The following SUGCT variants were observed in gnomAD, a reference collection of about 807,000 sequenced individuals.
SUGCT encodes succinyl-CoA:glutarate-CoA transferase, also known as succinyl-CoA:glutarate CoA-transferase.
Under a neutral mutation model 55.0 loss-of-function variants are expected in SUGCT, and 41 were observed. That is an observed-to-expected ratio of 0.74 (90% CI 0.58 to 0.97). The LOEUF (loss-of-function observed/expected upper bound fraction) is 0.97, where lower values mean the gene tolerates loss of function less well. Among genes scored for constraint, SUGCT ranks in the 50% least tolerant of loss-of-function variants. SUGCT has a pLI of 0.00. For synonymous variants in SUGCT, 187 were observed against 200.4 expected (o/e 0.93, Z 0.56); for missense variants, 568 against 547.8 (o/e 1.04, Z -0.37).
In SUGCT at chr7:40,856,675, T is replaced by G. The variant is rs141471749; in HGVS notation, c.1154-3641T>G. Among the ~76,000 whole-genome samples, 1,429 of 152,304 alleles carry G rather than the reference T, an allele frequency of 9.4e-3. 14 individuals are homozygous for G. The highest frequency in any genetic ancestry group is 0.012 in the Non-Finnish European group (826 of 68,026). ...GAGCTCTTAACAGTATTGAGCAGACTTAAAAATCTATATGGATCTTTGCCT... is the reference window on the plus strand; with the variant it reads ...GAGCTCTTAACAGTATTGAGCAGACGTAAAAATCTATATGGATCTTTGCCT... On this transcript the variant is annotated intron_variant, in intron 13 of 13. Transcript: ENST00000335693.
At chr7:40,534,714 C>T (rs74446623) in intron 12 of SUGCT, among the ~76,000 whole-genome samples, 4,373 of 152,232 alleles carry the variant, frequency 0.029, 102 homozygotes, top group Middle Eastern at 0.078. Context: ...CCACTGCGCC[C>T]GGCCTAAAAT....
rs1311594168 is a variant in SUGCT, at chr7:40,455,178, T to G, written c.889-3923T>G. ...TTCTAACTACAATGCGAAAAGTATA[T>G]GCATTATGATTCCCTAAGCAGTCAT... is the stretch of plus-strand genomic sequence containing the variant. On this transcript the variant is annotated intron_variant, in intron 10 of 13. Coordinates refer to ENST00000335693, the MANE Select transcript of SUGCT (RefSeq NM_001193313.2). Among the ~76,000 whole-genome samples the G allele has an allele frequency of 2.6e-5, 4 of 152,162 alleles. No individual in the cohort carries two copies. In the East Asian group the frequency reaches 7.7e-4, roughly 29 times the overall value.
the SUGCT span, among the ~76,000 whole-genome samples, chr7:40,971,247 CAT>C: frequency 1.3e-5 from 2 of 152,128 alleles, no homozygotes; most frequent in Non-Finnish European, 2.9e-5. Context: ...AACCAGGTCT[CAT>C]GTGAGCCCAC....
At chr7:40,378,756 A>G (rs1013100463) in intron 9 of SUGCT, among the ~76,000 whole-genome samples, 2 of 152,182 alleles carry the variant, frequency 1.3e-5, no homozygotes, top group African/African-American at 4.8e-5. Context: ...TACAGGCATG[A>G]ACCACCATGC....
chr7:40,191,340 C>T (rs1167502328), intron 5 of SUGCT, among the ~76,000 whole-genome samples: 1 of 152,106 alleles, frequency 6.6e-6, no homozygotes, highest in East Asian at 1.9e-4. Flanking sequence ...TTTACCAAAA[C>T]ATTAACTTAG....
At chr7:40,713,519 T>A (rs1362195596) in intron 12 of SUGCT, among the ~76,000 whole-genome samples, 2 of 152,220 alleles carry the variant, frequency 1.3e-5, no homozygotes, top group African/African-American at 4.8e-5. Context: ...AATAATTTTA[T>A]ACCTATTAGG....
intron 13 of SUGCT, among the ~76,000 whole-genome samples, chr7:40,824,571 C>T (rs776292728): frequency 2.6e-5 from 4 of 152,124 alleles, no homozygotes; most frequent in Non-Finnish European, 5.9e-5. Flanking sequence ...CTACAACAAC[C>T]GCTAAATCTC....
chr7:40,515,831 C>A (rs1380575108), intron 12 of SUGCT, among the ~76,000 whole-genome samples: 1 of 152,134 alleles, frequency 6.6e-6, no homozygotes, highest in African/African-American at 2.4e-5. Context: ...GAGTATGTAC[C>A]TAAGAGTGGA....
chr7:40,991,483 G>A, the SUGCT span, among the ~76,000 whole-genome samples: 7 of 152,266 alleles, frequency 4.6e-5, no homozygotes, highest in South Asian at 4.2e-4. Context: ...AAATGACACC[G>A]ATAGACTTGT....
At chr7:40,629,385 G>A (rs1799680665) in intron 12 of SUGCT, among the ~76,000 whole-genome samples, 1 of 152,202 alleles carries the variant, frequency 6.6e-6, no homozygotes, top group Non-Finnish European at 1.5e-5. Context: ...AGGGTCAGGG[G>A]AGACTCTCAG....
intron 13 of SUGCT, among the ~76,000 whole-genome samples, chr7:40,828,576 T>TAA (rs11419901): frequency 0.015 from 1,382 of 89,912 alleles, 10 homozygotes; most frequent in Middle Eastern, 0.039. Flanking sequence ...CTTGCTACAG[T>TAA]AAAAAAAAAA....
chr7:40,917,351 A>C, the SUGCT span, among the ~76,000 whole-genome samples: 1 of 152,226 alleles, frequency 6.6e-6, no homozygotes, highest in Non-Finnish European at 1.5e-5. Context: ...TCTACCATAC[A>C]TAAGTTAGGG....
chr7:40,740,596 T>C (rs1385214338), intron 12 of SUGCT, among the ~76,000 whole-genome samples: 1 of 151,334 alleles, frequency 6.6e-6, no homozygotes, highest in Non-Finnish European at 1.5e-5. Context: ...TGCCTCATTT[T>C]CAATCTTAGA....
At chr7:40,666,394 A>AAGGAAGGAAG (rs1562934861) in intron 12 of SUGCT, among the ~76,000 whole-genome samples, 5 of 95,412 alleles carry the variant, frequency 5.2e-5, no homozygotes, top group African/African-American at 2.7e-4. Context: ...AAGGAAGGAA[A>AAGGAAGGAAG]GAAAGAAAGT....
At chr7:40,146,435 A>AG (rs1788250103) in intron 1 of SUGCT, among the ~76,000 whole-genome samples, 1 of 152,336 alleles carries the variant, frequency 6.6e-6, no homozygotes, top group East Asian at 1.9e-4. Flanking sequence ...GTGGGAAATT[A>AG]GGGGTCTCAC....
At chr7:40,955,070 A>C in the SUGCT span, among the ~76,000 whole-genome samples, 1 of 152,126 alleles carries the variant, frequency 6.6e-6, no homozygotes, top group Non-Finnish European at 1.5e-5. Context: ...GTCAGGTAGC[A>C]TGATGCCTCC....
chr7:40,414,413 G>T (rs1047471532), intron 9 of SUGCT, among the ~76,000 whole-genome samples: 5 of 152,062 alleles, frequency 3.3e-5, no homozygotes, highest in African/African-American at 9.7e-5. Flanking sequence ...AGTATATATA[G>T]GGCTCAGTGC....
chr7:41,002,780 A>C, the SUGCT span, among the ~76,000 whole-genome samples: 5 of 152,114 alleles, frequency 3.3e-5, no homozygotes, highest in Admixed American at 3.3e-4. Flanking sequence ...CAACTGCTTT[A>C]TGATGTATGT....
chr7:40,953,160 C>A, the SUGCT span, among the ~76,000 whole-genome samples: 780 of 152,180 alleles, frequency 5.1e-3, 5 homozygotes, highest in African/African-American at 0.018. Flanking sequence ...TCTTTTTATT[C>A]TTTTTCCTCT....
Sources: allele counts gnomAD v4.1 joint callset (sites outside exome capture counted in the v4.1 genomes callset), GRCh38; gene constraint gnomAD v4.1.1; transcripts MANE v1.5; gene names NCBI Gene and HGNC (gene_info 2026-07-23, HGNC 2026-07-21).